The following IQSEC1 variants were observed in gnomAD, a reference collection of about 807,000 sequenced individuals.
The protein encoded by IQSEC1 is IQ motif and SEC7 domain-containing protein 1.
Under a neutral mutation model 91.0 loss-of-function variants are expected in IQSEC1, and 31 were observed. The observed-to-expected ratio is 0.34, with a 90% CI of 0.26 to 0.46. IQSEC1 has a LOEUF of 0.46. IQSEC1 is among the 20% of genes least tolerant of loss of function. The pLI is 1.00. For synonymous variants in IQSEC1, 699 were observed against 662.6 expected, an observed-to-expected ratio of 1.05 and a Z score of -0.84; for missense variants, 1,388 against 1,575.6, an observed-to-expected ratio of 0.88 and a Z score of 2.02.
At chr3:12,926,332 G>A (rs1158157883) in intron 3 of IQSEC1, among the ~76,000 whole-genome samples, 4 of 151,914 alleles carry the variant, frequency 2.6e-5, no homozygotes, top group Non-Finnish European at 4.4e-5. Context: ...AACAAAAAAG[G>A]AGACAGGCTG....
At chr3:13,210,909 C>A (rs1376179559) in intron 1 of IQSEC1, among the ~76,000 whole-genome samples, 1 of 152,194 alleles carries the variant, frequency 6.6e-6, no homozygotes, top group Non-Finnish European at 1.5e-5. Flanking sequence ...GTCAATGACT[C>A]CGGGAGGCCG....
intron 2 of IQSEC1, among the ~76,000 whole-genome samples, chr3:13,161,424 G>A (rs772749756): frequency 2.0e-5 from 3 of 152,200 alleles, no homozygotes; most frequent in Non-Finnish European, 4.4e-5. Context: ...CGCAGACCCC[G>A]CACGGACACT....
chr3:12,958,191 A>G (rs566029291), intron 1 of IQSEC1, among the ~76,000 whole-genome samples: 37 of 152,330 alleles, frequency 2.4e-4, no homozygotes, highest in Admixed American at 2.2e-3. Context: ...GCAGCACGGC[A>G]GCTGCCAGGC....
intron 2 of IQSEC1, among the ~76,000 whole-genome samples, chr3:13,158,961 CAAA>C (rs35652080): frequency 7.1e-6 from 1 of 140,794 alleles, no homozygotes; most frequent in Admixed American, 7.1e-5. Context: ...GACTCGGTCT[CAAA>C]AAAAAAAAAA....
chr3:13,216,103 G>C (rs1045756643), intron 1 of IQSEC1, among the ~76,000 whole-genome samples: 15 of 152,260 alleles, frequency 9.9e-5, no homozygotes, highest in Admixed American at 2.6e-4. Flanking sequence ...TATTGGAAAT[G>C]CCTTTAAGTG....
intron 1 of IQSEC1, among the ~76,000 whole-genome samples, chr3:13,050,707 G>C (rs1418807644): frequency 6.6e-6 from 1 of 152,084 alleles, no homozygotes; most frequent in Non-Finnish European, 1.5e-5. Flanking sequence ...TAATGTTTTG[G>C]GAAGATTAAA....
chr3:12,935,417 C>T lies in IQSEC1; in HGVS notation c.1568+31G>A, dbSNP rs772567613. The T allele has an allele frequency of 4.4e-6, 7 of 1,582,828 alleles. No individual in the cohort carries two copies. In the South Asian group the frequency reaches 8.0e-5, roughly 18 times the overall value. ...GCCAAGGCCCAGCAAGCCACAGCTG[C>T]CCACCCTGAGGGGTCACCCATGGTA... On this transcript the variant is annotated intron_variant, in intron 3 of 13. Transcript: ENST00000613206. This position sits in a 1 kb window ranked among gnomAD's most constrained non-coding sequence, Gnocchi z 8.0.
chr3:13,147,892 C>T (rs2124952519), intron 2 of IQSEC1, among the ~76,000 whole-genome samples: 1 of 152,316 alleles, frequency 6.6e-6, no homozygotes, highest in South Asian at 2.1e-4. Context: ...CTAGGCCTGC[C>T]AAAGTGCTGG....
At chr3:13,149,741 G>T (rs925447966) in intron 2 of IQSEC1, among the ~76,000 whole-genome samples, 1 of 151,870 alleles carries the variant, frequency 6.6e-6, no homozygotes, top group Non-Finnish European at 1.5e-5. Flanking sequence ...CCCTCTGTCC[G>T]CTGCCCCAAG....
intron 1 of IQSEC1, among the ~76,000 whole-genome samples, chr3:13,009,712 T>G (rs145882045): frequency 2.1e-4 from 32 of 152,142 alleles, no homozygotes; most frequent in Admixed American, 5.2e-4. Flanking sequence ...ATTAGATATT[T>G]TATCAGATAT....
At chr3:12,941,936 G>A (rs1698792979) in intron 1 of IQSEC1, 71 bp from the exon 2 acceptor site, 10 of 1,368,542 alleles carry the variant, frequency 7.3e-6, no homozygotes, top group Admixed American at 2.3e-5. Flanking sequence ...GCCGTGGGGC[G>A]TGACCCCACC....
intron 6 of IQSEC1, among the ~76,000 whole-genome samples, chr3:12,916,329 T>A (rs944300415): frequency 6.6e-6 from 1 of 152,172 alleles, no homozygotes; most frequent in Non-Finnish European, 1.5e-5. Context: ...TGGTTGCTGT[T>A]GCTGGCCCAC....
intron 1 of IQSEC1, among the ~76,000 whole-genome samples, chr3:13,228,177 C>T (rs1694788920): frequency 6.6e-6 from 1 of 152,158 alleles, no homozygotes; most frequent in African/African-American, 2.4e-5. Flanking sequence ...CAGGTGCCAT[C>T]ACCTGGGAAC....
At chr3:12,974,998 C>T (rs1701094580) in intron 1 of IQSEC1, among the ~76,000 whole-genome samples, 3 of 152,262 alleles carry the variant, frequency 2.0e-5, no homozygotes, top group Non-Finnish European at 1.5e-5. Flanking sequence ...ATCCCAGCCC[C>T]GCTATGTGAC....
chr3:12,935,861 C>G lies in IQSEC1; in HGVS notation c.1155G>C (p.Gly385=). 6.2e-7 allele frequency: 1 copy of G among 1,607,614 alleles called. No homozygotes were observed. Among genetic ancestry groups the G allele is most frequent in the Non-Finnish European group, 8.5e-7 (1 of 1,179,872 alleles). Reference sequence around the variant, plus strand: ...CGTAAGCACTCTGCCTCTTGAGTGACCCCCGCTCCGAGCGGTCACTAAGGT... The same window carrying G: ...CGTAAGCACTCTGCCTCTTGAGTGAGCCCCGCTCCGAGCGGTCACTAAGGT... ...SVDLSDRSER[G]SLKRQSAYER... is the part of the protein sequence containing the mutation. The change falls in exon 3 of 14, where the codon GGG becomes GGC. Residue 385 remains glycine (G), a synonymous_variant. Transcript: ENST00000613206. The surrounding 1 kb of genome is among the most constrained non-coding windows in gnomAD (Gnocchi z 8.0).
At chr3:13,087,679 T>C (rs745549572) in intron 2 of IQSEC1, among the ~76,000 whole-genome samples, 1 of 152,222 alleles carries the variant, frequency 6.6e-6, no homozygotes, top group Non-Finnish European at 1.5e-5. Context: ...TCTTCGTCTA[T>C]TTTGTGCTGC....
At chr3:13,007,916 G>A (rs1348021569) in intron 1 of IQSEC1, among the ~76,000 whole-genome samples, 4 of 148,648 alleles carry the variant, frequency 2.7e-5, no homozygotes, top group East Asian at 2.1e-4. Flanking sequence ...ACCCTTCCCC[G>A]GAGCAAGGTC....
At chr3:13,189,615 A>G (rs1162307976) in intron 1 of IQSEC1, among the ~76,000 whole-genome samples, 2 of 152,176 alleles carry the variant, frequency 1.3e-5, no homozygotes, top group Non-Finnish European at 2.9e-5. Context: ...TCAGAGGAAA[A>G]CTGAACTGCA....
intron 1 of IQSEC1, among the ~76,000 whole-genome samples, chr3:13,268,433 A>G (rs1177390687): frequency 6.6e-6 from 1 of 152,222 alleles, no homozygotes; most frequent in Non-Finnish European, 1.5e-5. Context: ...TTGCCAGGGA[A>G]GCTGCTGTCT....
Sources: allele counts gnomAD v4.1 joint callset (sites outside exome capture counted in the v4.1 genomes callset), GRCh38; gene constraint gnomAD v4.1.1; non-coding constraint Gnocchi (gnomAD v3.1); transcripts MANE v1.5; gene names NCBI Gene and HGNC (gene_info 2026-07-23, HGNC 2026-07-21).